The following VPS8 variants were observed in gnomAD, a reference collection of about 807,000 sequenced individuals.
VPS8 encodes the protein VPS8 subunit of CORVET complex.
VPS8 carries 129 observed loss-of-function variants against 216.4 expected under a neutral mutation model. That is an observed-to-expected ratio of 0.60 (90% CI 0.52 to 0.69). VPS8 has a LOEUF of 0.69. VPS8 is among the 30% of genes least tolerant of loss of function. VPS8 has a pLI of 0.00. For missense variants in VPS8, 1,531 were observed against 1,683.5 expected (o/e 0.91, Z 1.59); for synonymous variants, 571 against 565.4 (o/e 1.01, Z -0.14).
intron 28 of VPS8, chr3:184,918,962 A>C (rs1314285832): frequency 2.0e-5 from 3 of 152,188 alleles, no homozygotes; most frequent in Non-Finnish European, 2.9e-5. Context: ...AAGAGTTCCT[A>C]CAGTCTCCTT....
intron 22 of VPS8, among the ~76,000 whole-genome samples, chr3:184,887,149 C>G (rs941443658): frequency 1.3e-5 from 2 of 151,976 alleles, no homozygotes; most frequent in Non-Finnish European, 2.9e-5. Context: ...TTGAGACCAG[C>G]CTGGGTAATA....
intron 4 of VPS8, among the ~76,000 whole-genome samples, chr3:184,833,975 T>C (rs781124519): frequency 1.1e-4 from 16 of 152,204 alleles, no homozygotes; most frequent in Non-Finnish European, 1.9e-4. Context: ...CTTTCTTATT[T>C]TTGTATTCCC....
At chr3:184,941,301 G>A (rs1041480468) in intron 36 of VPS8, among the ~76,000 whole-genome samples, 3 of 65,148 alleles carry the variant, frequency 4.6e-5, no homozygotes, top group Non-Finnish European at 1.3e-4. Flanking sequence ...ATATGTATGT[G>A]TAGATGTTTA....
At chr3:184,980,222 T>G (rs890026929) in intron 40 of VPS8, among the ~76,000 whole-genome samples, 1 of 148,090 alleles carries the variant, frequency 6.8e-6, no homozygotes, top group Non-Finnish European at 1.5e-5. Flanking sequence ...CGGCCTTTAG[T>G]TTTTTTTTTC....
intron 40 of VPS8, among the ~76,000 whole-genome samples, chr3:184,979,217 A>G (rs1749792942): frequency 6.6e-6 from 1 of 152,124 alleles, no homozygotes; most frequent in Admixed American, 6.5e-5. Flanking sequence ...TTTTATAGCC[A>G]GTCATGTGGT....
chr3:184,875,291 T>TA (rs1560484668), intron 21 of VPS8, among the ~76,000 whole-genome samples: 2 of 152,072 alleles, frequency 1.3e-5, no homozygotes, highest in Non-Finnish European at 1.5e-5. Flanking sequence ...ACCTTTTCCT[T>TA]AGAGTCAGAA....
At chr3:185,029,567 C>CTT (rs767940348) in intron 46 of VPS8, among the ~76,000 whole-genome samples, 3 of 144,026 alleles carry the variant, frequency 2.1e-5, no homozygotes, top group Non-Finnish European at 3.1e-5. Context: ...CAACATGTAT[C>CTT]TTTTTTTTTT....
chr3:184,853,803 T>C (rs1724743621), intron 11 of VPS8, 54 bp from the exon 12 acceptor site: 2 of 1,541,144 alleles, frequency 1.3e-6, no homozygotes, highest in African/African-American at 1.4e-5. Flanking sequence ...GTAGAGATAG[T>C]AGTGCCTTGG....
chr3:184,944,007 C>T (rs1034420901), intron 36 of VPS8, among the ~76,000 whole-genome samples: 4 of 152,026 alleles, frequency 2.6e-5, no homozygotes, highest in African/African-American at 9.7e-5. Context: ...GAGGCTGAGG[C>T]AGGAGAATTG....
At chr3:185,020,046 T>C (rs73885640) in intron 45 of VPS8, among the ~76,000 whole-genome samples, 1 of 152,384 alleles carries the variant, frequency 6.6e-6, no homozygotes, top group African/African-American at 2.4e-5. Flanking sequence ...TATTTTTAAA[T>C]GGTTACACGC....
At chr3:184,871,419 T>G (rs1468942320) in intron 21 of VPS8, among the ~76,000 whole-genome samples, 1 of 152,140 alleles carries the variant, frequency 6.6e-6, no homozygotes, top group Non-Finnish European at 1.5e-5. Flanking sequence ...TACCTCCTCT[T>G]TTAACAAATA....
intron 3 of VPS8, among the ~76,000 whole-genome samples, chr3:184,826,876 C>A (rs576947036): frequency 1.3e-5 from 2 of 152,206 alleles, no homozygotes; most frequent in East Asian, 3.9e-4. Context: ...TGGTGTTATT[C>A]TTTTCTGAAT....
At position 184,832,758 on chromosome 3, in the gene VPS8, C is replaced by T. The variant is rs754532359; in HGVS notation, c.292C>T (p.His98Tyr). 1 of 1,609,268 alleles carries T rather than the reference C, an allele frequency of 6.2e-7. No homozygotes were observed. Among genetic ancestry groups the T allele is most frequent in the Non-Finnish European group, 8.5e-7 (1 of 1,177,360 alleles). Residue 98 changes from histidine to tyrosine, a missense_variant, in exon 4 of 48, where the codon CAC becomes TAC. By Grantham distance (83) the His-to-Tyr change is moderately conservative (BLOSUM62 2). This residue lies in a region of VPS8 where 199 missense variants were observed against 182.2 expected (regional missense o/e 1.09). Coordinates refer to ENST00000625842, the MANE Select transcript of VPS8 (RefSeq NM_001009921.3). The part of the protein sequence containing the change: ...TLLNIDTIDS[H>Y]SYDTSSVASS... ...GTTAAACATTGATACTATTGATTCT[C>T]ACTCCTATGATACTTCATCTGTGGC...
intron 22 of VPS8, among the ~76,000 whole-genome samples, chr3:184,888,354 T>C (rs1264145574): frequency 6.6e-6 from 1 of 152,164 alleles, no homozygotes; most frequent in Non-Finnish European, 1.5e-5. Context: ...TTCTTTCCGG[T>C]GTTAGGGCCA....
chr3:184,899,535 C>A (rs929228672), intron 24 of VPS8, among the ~76,000 whole-genome samples: 1 of 152,086 alleles, frequency 6.6e-6, no homozygotes, highest in African/African-American at 2.4e-5. Flanking sequence ...AAAGTTAGTC[C>A]CCCACCCTTC....
intron 46 of VPS8, 25 bp downstream of exon 46, chr3:185,024,414 A>G (rs1577199809): frequency 6.3e-7 from 1 of 1,577,620 alleles, no homozygotes; most frequent in Non-Finnish European, 8.6e-7. Context: ...AAGGCAAAAA[A>G]CCAGTTCTTC....
intron 35 of VPS8, among the ~76,000 whole-genome samples, chr3:184,937,215 T>C (rs1741802810): frequency 6.6e-6 from 1 of 152,214 alleles, no homozygotes; most frequent in African/African-American, 2.4e-5. Flanking sequence ...CACTTACCAC[T>C]TACCATGGCC....
chr3:184,984,575 G>T (rs1750781601), intron 42 of VPS8, among the ~76,000 whole-genome samples: 1 of 152,092 alleles, frequency 6.6e-6, no homozygotes, highest in Non-Finnish European at 1.5e-5. Flanking sequence ...TTACAGGCAT[G>T]AGCCACAGCG....
chr3:185,039,307 C>T (rs1351766467), intron 46 of VPS8, among the ~76,000 whole-genome samples: 5 of 152,084 alleles, frequency 3.3e-5, no homozygotes, highest in East Asian at 1.9e-4. Context: ...GGAATACCCA[C>T]GGCTGGGTAA....
Sources: allele counts gnomAD v4.1 joint callset (sites outside exome capture counted in the v4.1 genomes callset), GRCh38; gene constraint gnomAD v4.1.1; regional missense constraint gnomAD v4.1.1; transcripts MANE v1.5; gene names NCBI Gene and HGNC (gene_info 2026-07-23, HGNC 2026-07-21).